The following GUCY1A2 variants were observed in gnomAD, a reference collection of about 807,000 sequenced individuals.
The protein encoded by GUCY1A2 is guanylate cyclase 1 soluble subunit alpha 2, also known as guanylate cyclase soluble subunit alpha-2.
A neutral mutation model predicts 63.5 loss-of-function variants in GUCY1A2; 27 were observed. That is an observed-to-expected ratio of 0.43 (90% CI 0.31 to 0.59). GUCY1A2 has a LOEUF of 0.59. Among genes scored for constraint, GUCY1A2 ranks in the 20% least tolerant of loss-of-function variants. GUCY1A2 has a pLI of 0.11. For missense variants in GUCY1A2, 768 were observed against 913.3 expected (o/e 0.84, Z 2.05); for synonymous variants, 364 against 343.5 (o/e 1.06, Z -0.66).
intron 6 of GUCY1A2, among the ~76,000 whole-genome samples, chr11:106,759,326 C>A (rs1264475109): frequency 6.6e-6 from 1 of 151,960 alleles, no homozygotes; most frequent in East Asian, 1.9e-4. Context: ...TCCATCAATT[C>A]CAGAGCAAGA....
intron 7 of GUCY1A2, among the ~76,000 whole-genome samples, chr11:106,697,483 T>C (rs1862740308): frequency 1.3e-5 from 2 of 152,264 alleles, no homozygotes; most frequent in South Asian, 4.1e-4. Context: ...CATGATCAGC[T>C]TTTTGGAAGT....
At chr11:106,753,069 T>A (rs1005470800) in intron 6 of GUCY1A2, among the ~76,000 whole-genome samples, 4 of 152,212 alleles carry the variant, frequency 2.6e-5, no homozygotes, top group Admixed American at 2.0e-4. Context: ...CATGAGGGCA[T>A]GAGATAGTAT....
intron 7 of GUCY1A2, among the ~76,000 whole-genome samples, chr11:106,689,357 C>T (rs567883097): frequency 1.0e-3 from 154 of 152,104 alleles, no homozygotes; most frequent in African/African-American, 3.1e-3. Flanking sequence ...GATATTCATT[C>T]GGTATATAAA....
At position 106,677,018 on chromosome 11, in the gene GUCY1A2, C is replaced by T. The variant is rs1862357710; in HGVS notation, c.*10531G>A. ...TTCTCTCAGTCACTTCTATCCTCAA[C>T]TGATCTGCATCTACGTGCTCATCTT... On this transcript the variant is annotated 3_prime_UTR_variant, in exon 8 of 8. Transcript: ENST00000526355. 4 of 213,926 alleles carry T rather than the reference C, an allele frequency of 1.9e-5. No individual in the cohort carries two copies. In the East Asian group the frequency reaches 2.7e-4, roughly 15 times the overall value. The allele number at this position is 213,926 out of a possible 1,614,324, so 13.3% of individuals were successfully genotyped here. A position where few individuals can be genotyped will look rare whatever the true frequency, so the allele number is the denominator to read the frequency against.
chr11:106,744,537 C>T lies in GUCY1A2; in HGVS notation c.1836+31902G>A, dbSNP rs549654521. Among the ~76,000 whole-genome samples the T allele has an allele frequency of 3.9e-5, 6 of 152,266 alleles. No individual in the cohort carries two copies. The East Asian group carries it at 1.2e-3, about 29-fold the overall frequency. ...TGTACAAGCTTTCCCCACCCTTATC[C>T]TTTTGACCTTACATTTTTTTGGACA... is the stretch of plus-strand genomic sequence containing the variant. On this transcript the variant is annotated intron_variant, in intron 6 of 7. Transcript: ENST00000526355.
At chr11:106,724,402 A>G (rs1161190642) in intron 6 of GUCY1A2, among the ~76,000 whole-genome samples, 1 of 152,124 alleles carries the variant, frequency 6.6e-6, no homozygotes, top group East Asian at 1.9e-4. Flanking sequence ...TAGATCCACA[A>G]AAATTGGCTC....
At chr11:106,757,295 A>ATGCTCCTTT (rs1863991747) in intron 6 of GUCY1A2, among the ~76,000 whole-genome samples, 2 of 152,222 alleles carry the variant, frequency 1.3e-5, no homozygotes, top group South Asian at 4.1e-4. Flanking sequence ...GGGTGAGAAC[A>ATGCTCCTTT]TGCTCCTTTA....
intron 4 of GUCY1A2, among the ~76,000 whole-genome samples, chr11:106,873,924 C>T (rs1020565884): frequency 2.6e-5 from 4 of 152,104 alleles, no homozygotes; most frequent in African/African-American, 9.7e-5. Flanking sequence ...CATGTTTTTG[C>T]ATATTGTCTC....
chr11:106,897,026 A>G (rs1860059965), intron 4 of GUCY1A2, among the ~76,000 whole-genome samples: 1 of 152,222 alleles, frequency 6.6e-6, no homozygotes, highest in Admixed American at 6.5e-5. Flanking sequence ...GGGTTAATAT[A>G]CAAAATCCCA....
intron 4 of GUCY1A2, among the ~76,000 whole-genome samples, chr11:106,917,700 A>T (rs979902503): frequency 7.3e-6 from 1 of 137,890 alleles, no homozygotes; most frequent in African/African-American, 2.5e-5. Flanking sequence ...AGGACAAAAA[A>T]CCAAACACCG....
intron 3 of GUCY1A2, among the ~76,000 whole-genome samples, chr11:106,968,486 A>G (rs889038254): frequency 6.6e-6 from 1 of 152,200 alleles, no homozygotes; most frequent in Admixed American, 6.5e-5. Flanking sequence ...GCTCTGGACA[A>G]TGTTCAATCC....
At chr11:106,806,837 G>A (rs1240604751) in intron 5 of GUCY1A2, among the ~76,000 whole-genome samples, 2 of 152,130 alleles carry the variant, frequency 1.3e-5, no homozygotes, top group African/African-American at 4.8e-5. Flanking sequence ...TAGATAGCTT[G>A]ATTATTTTAG....
At chr11:106,973,459 G>C (rs1295520947) in intron 3 of GUCY1A2, among the ~76,000 whole-genome samples, 1 of 152,082 alleles carries the variant, frequency 6.6e-6, no homozygotes, top group African/African-American at 2.4e-5. Flanking sequence ...CAACACAACT[G>C]AACTTTCCTC....
chr11:106,680,938 T>C lies in GUCY1A2; in HGVS notation c.*6611A>G, dbSNP rs753573971. ...ATCATAATCTGATGTTTAGATACTG[T>C]TCAGTATAAACATAAATTTACTAGT... On this transcript the variant is annotated 3_prime_UTR_variant, in exon 8 of 8. Transcript: ENST00000526355. 35 of 203,524 alleles carry C rather than the reference T, an allele frequency of 1.7e-4. No individual in the cohort carries two copies. In the Middle Eastern group the frequency reaches 4.9e-3, roughly 29 times the overall value. 12.6% of individuals were successfully genotyped at this position (203,524 alleles called of 1,614,324 possible). A position where few individuals can be genotyped will look rare whatever the true frequency, so the allele number is the denominator to read the frequency against.
At chr11:106,692,338 T>C (rs1862640025) in intron 7 of GUCY1A2, among the ~76,000 whole-genome samples, 2 of 152,158 alleles carry the variant, frequency 1.3e-5, no homozygotes, top group Admixed American at 1.3e-4. Flanking sequence ...TGTCACCCTT[T>C]CTCTGCTCAA....
chr11:106,966,324 A>T lies in GUCY1A2; in HGVS notation c.487+12295T>A, dbSNP rs1591347118. Among the ~76,000 whole-genome samples the T allele has an allele frequency of 2.6e-5, 4 of 151,734 alleles. No homozygotes were observed. The South Asian group carries it at 6.2e-4, about 24-fold the overall frequency. ...GTTATCACCATGTTGGCCAGGCTGG[A>T]CTCGAACTCCTGACCTCAGGTGATC... On this transcript the variant is annotated intron_variant, in intron 3 of 7. Transcript: ENST00000526355.
chr11:106,705,853 C>T (rs556872957), intron 7 of GUCY1A2, among the ~76,000 whole-genome samples: 26 of 151,788 alleles, frequency 1.7e-4, no homozygotes, highest in Admixed American at 5.2e-4. Context: ...GAGTAAGACT[C>T]GTCTCAAAAA....
Position 106,898,283 on chromosome 11 carries a change from T to C in GUCY1A2, c.1206+41177A>G, listed in dbSNP as rs551434852. ...AGTACAGCCATTTTGGAAGACAGTTTGGCAGTTTCTTACAAAGCTAAACAT... is the reference window on the plus strand; with the variant it reads ...AGTACAGCCATTTTGGAAGACAGTTCGGCAGTTTCTTACAAAGCTAAACAT... On this transcript the variant is annotated intron_variant, in intron 4 of 7. Coordinates refer to ENST00000526355, the MANE Select transcript of GUCY1A2 (RefSeq NM_000855.3). 1.2e-4 allele frequency among the ~76,000 whole-genome samples: 18 copies of C among 152,352 alleles called. 1 individual carries two copies. In the South Asian group the frequency reaches 2.3e-3, roughly 19 times the overall value.
chr11:106,913,139 AT>A (rs1485200436), intron 4 of GUCY1A2, among the ~76,000 whole-genome samples: 2 of 152,084 alleles, frequency 1.3e-5, no homozygotes, highest in Admixed American at 6.6e-5. Context: ...ATATATATAT[AT>A]ATAAAAGCAA....
Sources: gnomAD v4.1 joint callset for allele counts (sites outside exome capture counted in the v4.1 genomes callset) on GRCh38, gnomAD v4.1.1 for gene constraint, MANE v1.5 for transcripts, NCBI Gene and HGNC (gene_info 2026-07-23, HGNC 2026-07-21) for gene names.